The following HSPBAP1 variants were observed in gnomAD, a reference collection of about 807,000 sequenced individuals.
The protein encoded by HSPBAP1 is HSPB1-associated protein 1.
HSPBAP1 carries 27 observed loss-of-function variants against 45.2 expected under a neutral mutation model. The ratio of observed to expected loss-of-function variants is 0.60; its 90% CI spans 0.44 to 0.82. The LOEUF (loss-of-function observed/expected upper bound fraction) is 0.82. HSPBAP1 is among the 40% of genes least tolerant of loss of function. The pLI is 0.00. For missense variants in HSPBAP1, 510 were observed against 590.9 expected (o/e 0.86, Z 1.42); for synonymous variants, 204 against 202.7 (o/e 1.01, Z -0.06).
chr3:122,740,886 A>G lies in HSPBAP1; in HGVS notation c.937-11T>C. ...GGACGTTTCCTCAACCTAAGGGAAG[A>G]GAAAAACCTTTTAAAATGGTTACAT... On this transcript the variant is annotated splice_polypyrimidine_tract_variant and intron_variant, in intron 7 of 7. Transcript: ENST00000306103. 6.2e-7 allele frequency: 1 copy of G among 1,612,136 alleles called. No homozygotes were observed. The highest frequency in any genetic ancestry group is 1.3e-5 in the African/African-American group (1 of 74,846).
chr3:122,774,201 A>T (rs1292574708), intron 2 of HSPBAP1, among the ~76,000 whole-genome samples: 1 of 152,232 alleles, frequency 6.6e-6, no homozygotes, highest in Non-Finnish European at 1.5e-5. Flanking sequence ...CCATGTGATT[A>T]CAACTGTGCT....
chr3:122,750,762 A>G (rs1267679656), intron 6 of HSPBAP1, among the ~76,000 whole-genome samples: 1 of 152,218 alleles, frequency 6.6e-6, no homozygotes, highest in East Asian at 1.9e-4. Context: ...TTCCTGTGCC[A>G]GAAAGCCAGG....
chr3:122,760,123 G>C (rs933667676), intron 3 of HSPBAP1, among the ~76,000 whole-genome samples: 1 of 152,184 alleles, frequency 6.6e-6, no homozygotes, highest in Non-Finnish European at 1.5e-5. Flanking sequence ...CTCTCCATAT[G>C]CCTGGTTCTG....
chr3:122,790,095 T>C (rs1344979743), intron 1 of HSPBAP1, among the ~76,000 whole-genome samples: 1 of 152,108 alleles, frequency 6.6e-6, no homozygotes, highest in Non-Finnish European at 1.5e-5. Flanking sequence ...ATTCCTGAGC[T>C]CAAGCGATCT....
intron 2 of HSPBAP1, among the ~76,000 whole-genome samples, chr3:122,771,909 T>C (rs1935013781): frequency 6.6e-6 from 1 of 152,230 alleles, no homozygotes; most frequent in Non-Finnish European, 1.5e-5. Flanking sequence ...AAAGTTATCC[T>C]TACTTTTAAA....
intron 1 of HSPBAP1, among the ~76,000 whole-genome samples, chr3:122,789,090 T>C (rs1218142724): frequency 1.3e-5 from 2 of 152,212 alleles, no homozygotes; most frequent in African/African-American, 2.4e-5. Context: ...ACACAGACTT[T>C]TGCTTTTCTT....
At chr3:122,769,052 G>GA (rs1297326967) in intron 2 of HSPBAP1, among the ~76,000 whole-genome samples, 170 bp from the exon 3 acceptor site, 4 of 152,002 alleles carry the variant, frequency 2.6e-5, no homozygotes, top group African/African-American at 4.8e-5. Flanking sequence ...AGTTTCTCTG[G>GA]AGGTTGAGGC....
chr3:122,741,446 A>G (rs1933665561), intron 6 of HSPBAP1: 1 of 249,386 alleles, frequency 4.0e-6, no homozygotes, highest in African/African-American at 2.2e-5. Flanking sequence ...CATACAGAGG[A>G]ATAATCCCTA....
In HSPBAP1 at chr3:122,740,656, T is replaced by G. The variant is rs1432854327; in HGVS notation, c.1156A>C (p.Ser386Arg). ...TTGTDKPEAA[S>R]PFGPDLVPVA... ...GGGACCAGATCAGGGCCAAAGGGACTTGCTGCCTCCGGTTTGTCTGTTCCT... is the reference window on the plus strand; with the variant it reads ...GGGACCAGATCAGGGCCAAAGGGACGTGCTGCCTCCGGTTTGTCTGTTCCT... The change falls in exon 8 of 8, where the codon AGT (serine) becomes CGT (arginine). Residue 386 changes from serine to arginine, a missense_variant. Coordinates refer to ENST00000306103, the MANE Select transcript of HSPBAP1 (RefSeq NM_024610.6). 6.2e-7 allele frequency: 1 copy of G among 1,614,002 alleles called. No individual in the cohort carries two copies. Among genetic ancestry groups the G allele is most frequent in the African/African-American group, 1.3e-5 (1 of 74,944 alleles).
chr3:122,789,311 T>G (rs1314587993), intron 1 of HSPBAP1, among the ~76,000 whole-genome samples: 2 of 152,196 alleles, frequency 1.3e-5, no homozygotes, highest in African/African-American at 4.8e-5. Flanking sequence ...GGAATAATCT[T>G]GGCTATAACT....
At chr3:122,787,370 C>T (rs1214785559) in intron 1 of HSPBAP1, among the ~76,000 whole-genome samples, 1 of 152,084 alleles carries the variant, frequency 6.6e-6, no homozygotes, top group Non-Finnish European at 1.5e-5. Flanking sequence ...TAACACCTGG[C>T]CTGGATTTGT....
At chr3:122,764,077 A>G (rs1230445788) in intron 3 of HSPBAP1, among the ~76,000 whole-genome samples, 3 of 152,120 alleles carry the variant, frequency 2.0e-5, no homozygotes, top group East Asian at 1.9e-4. Flanking sequence ...CTTCCTTCCT[A>G]TATGTTTTAT....
intron 1 of HSPBAP1, among the ~76,000 whole-genome samples, chr3:122,780,126 C>T (rs1162222161): frequency 2.3e-5 from 3 of 132,366 alleles, no homozygotes; most frequent in Admixed American, 1.6e-4. Flanking sequence ...GGCGGCTGGC[C>T]GGGCGGGGAG....
At chr3:122,754,754 G>A in intron 5 of HSPBAP1, 1 of 985,708 alleles carries the variant, frequency 1.0e-6, no homozygotes, top group African/African-American at 1.7e-5. Context: ...AGTACCTTTG[G>A]AAATGTTTCA....
intron 2 of HSPBAP1, among the ~76,000 whole-genome samples, chr3:122,771,800 C>T (rs1935009936): frequency 1.3e-5 from 2 of 152,166 alleles, no homozygotes; most frequent in South Asian, 4.1e-4. Context: ...TTCAAAAATG[C>T]CAATTATTAA....
In HSPBAP1 at chr3:122,774,851, A is replaced by C. The variant is rs905385232; in HGVS notation, c.250+2870T>G. 4.6e-5 allele frequency among the ~76,000 whole-genome samples: 7 copies of C among 152,234 alleles called. No homozygotes were observed. In the East Asian group the frequency reaches 1.3e-3, roughly 29 times the overall value. ...ATGATTCAGAAGTTCTGGTGTAAGA[A>C]GCTTCACAGATAGTGTTGCTACTGA... is the stretch of plus-strand genomic sequence containing the variant. On this transcript the variant is annotated intron_variant, in intron 2 of 7. Coordinates refer to ENST00000306103, the MANE Select transcript of HSPBAP1 (RefSeq NM_024610.6).
intron 6 of HSPBAP1, among the ~76,000 whole-genome samples, chr3:122,747,731 G>T: frequency 6.6e-6 from 1 of 150,612 alleles, no homozygotes. Context: ...CCTCTGCCCG[G>T]CCAGCCGCCC....
chr3:122,774,179 G>C (rs1935108710), intron 2 of HSPBAP1, among the ~76,000 whole-genome samples: 1 of 152,198 alleles, frequency 6.6e-6, no homozygotes, highest in South Asian at 2.1e-4. Flanking sequence ...CTTTAAACAG[G>C]TAATTATACA....
chr3:122,789,886 AG>A (rs1439951110), intron 1 of HSPBAP1, among the ~76,000 whole-genome samples: 2 of 117,146 alleles, frequency 1.7e-5, no homozygotes, highest in African/African-American at 3.2e-5. Flanking sequence ...TTTTTGAGAC[AG>A]GGTCTGGCCC....
Sources: gnomAD v4.1 joint callset for allele counts (sites outside exome capture counted in the v4.1 genomes callset) on GRCh38, gnomAD v4.1.1 for gene constraint, MANE v1.5 for transcripts, NCBI Gene and HGNC (gene_info 2026-07-23, HGNC 2026-07-21) for gene names.